ATXN2L: variants seen among roughly 807,000 people sequenced by gnomAD.
The protein encoded by ATXN2L is ataxin-2-like protein.
Under a neutral mutation model 120.7 loss-of-function variants are expected in ATXN2L, and 24 were observed. That is an observed-to-expected ratio of 0.20 (90% CI 0.14 to 0.28). The LOEUF (loss-of-function observed/expected upper bound fraction) is 0.28. Ranked by LOEUF, ATXN2L falls within the 10% of genes least tolerant of loss-of-function variation. The pLI is 1.00. For synonymous variants in ATXN2L, 653 were observed against 568.1 expected, an observed-to-expected ratio of 1.15 and a Z score of -2.13; for missense variants, 1,312 against 1,432.3, an observed-to-expected ratio of 0.92 and a Z score of 1.36.
chr16:28,825,300 C>G, intron 1 of ATXN2L, 66 bp from the exon 2 acceptor site: 1 of 1,449,242 alleles, frequency 6.9e-7, no homozygotes, highest in Non-Finnish European at 9.7e-7. Context: ...TAGGATTTAA[C>G]ATTAATTTCA....
chr16:28,834,287 C>T, intron 16 of ATXN2L, 56 bp from the exon 17 acceptor site: 1 of 1,611,674 alleles, frequency 6.2e-7, no homozygotes, highest in Non-Finnish European at 8.5e-7. Context: ...CCAGGTCAGG[C>T]CTGTCTGGGC....
At chr16:28,825,341 A>G in intron 1 of ATXN2L, 25 bp from the exon 2 acceptor site, 1 of 1,612,862 alleles carries the variant, frequency 6.2e-7, no homozygotes, top group Non-Finnish European at 8.5e-7. Flanking sequence ...AACAGACTTA[A>G]GTAATTTCTT....
At position 28,826,190 on chromosome 16, in the gene ATXN2L, T is replaced by G. The variant is rs776052094; in HGVS notation, c.466-50T>G. 12 of 1,601,746 alleles carry G rather than the reference T, an allele frequency of 7.5e-6. No individual in the cohort carries two copies. In the Admixed American group the frequency reaches 1.7e-4, roughly 23 times the overall value. On this transcript the variant is annotated intron_variant, in intron 4 of 21. Transcript: ENST00000336783. ...GAGAAATCCAGTTCTATTTTTGCCT[T>G]CACTTTTCTTGAAACTGACCCATGG...
intron 13 of ATXN2L, 48 bp downstream of exon 13, chr16:28,832,935 G>A: frequency 6.2e-7 from 1 of 1,607,388 alleles, no homozygotes; most frequent in Non-Finnish European, 8.5e-7. Flanking sequence ...GGGGTTGGGA[G>A]TGGTTCGTAG....
rs1019808198 is a variant in ATXN2L at position 28,834,198 on chromosome 16, G to A, written c.2159G>A (p.Gly720Glu). 6.2e-7 allele frequency: 1 copy of A among 1,613,846 alleles called. No individual in the cohort carries two copies. Among genetic ancestry groups the A allele is most frequent in the African/African-American group, 1.3e-5 (1 of 74,906 alleles). Residue 720 changes from glycine to glutamate, a missense_variant, in exon 16 of 22, where the codon GGA becomes GAA. Transcript: ENST00000336783. Reference sequence around the variant, plus strand: ...TCCTACATACCTCAGATCCACATGGGACCAGCTGTGCAGGTATGCAGAGAG... The same window carrying A: ...TCCTACATACCTCAGATCCACATGGAACCAGCTGTGCAGGTATGCAGAGAG... ...YISYIPQIHM[G>E]PAVQAPQMYP...
At position 28,835,659 on chromosome 16, in the gene ATXN2L, C is replaced by G. The variant is rs1169628425; in HGVS notation, c.2796C>G (p.Ala932=). The G allele has an allele frequency of 1.2e-6, 2 of 1,614,098 alleles. No individual in the cohort carries two copies. The change falls in exon 21 of 22, where the codon GCC becomes GCG. Residue 932 remains alanine (A), a synonymous_variant. Transcript: ENST00000336783. ...TPPSLPPGPS[A]QSPQSSFPQP... ...CCTCTCTGCCACCGGGACCTTCTGC[C>G]CAGTCCCCTCAGAGCAGCTTCCCCC...
chr16:28,823,528 G>T lies in ATXN2L; in HGVS notation c.269G>T (p.Arg90Met). 7.2e-7 allele frequency: 1 copy of T among 1,380,784 alleles called. No homozygotes were observed. The highest frequency in any genetic ancestry group is 1.6e-5 in the South Asian group (1 of 62,512). The allele number at this position is 1,380,784 out of a possible 1,614,324, so 85.5% of individuals were successfully genotyped here. A position where few individuals can be genotyped will look rare whatever the true frequency, so the allele number is the denominator to read the frequency against. The stretch of plus-strand genomic sequence containing the variant: ...CCGCCGCCGCAGCAACACCAGGAGA[G>T]GCCGGGGGCAGCCGCCATCGGCAGC... ...QPPPPQQHQE[R>M]PGAAAIGSAR... Residue 90 changes from arginine to methionine, a missense_variant, in exon 1 of 22, where the codon AGG (arginine) becomes ATG (methionine). Coordinates refer to ENST00000336783, the MANE Select transcript of ATXN2L (RefSeq NM_007245.4).
Position 28,835,545 on chromosome 16 carries a change from G to A in ATXN2L, c.2686-4G>A, listed in dbSNP as rs55719896. 600,556 of 1,612,480 alleles carry A rather than the reference G, an allele frequency of 0.37. 116,696 individuals are homozygous for A. The highest frequency in any genetic ancestry group is 0.47 in the Admixed American group (27,981 of 59,852). ...GTGGCACTCAACCTTCCCCTCCCCA[G>A]CAGCATCAGGCGGGGCAGGCCCCAC... is the stretch of plus-strand genomic sequence containing the variant. On this transcript the variant is annotated splice_region_variant and splice_polypyrimidine_tract_variant and intron_variant, in intron 20 of 21. Coordinates refer to ENST00000336783, the MANE Select transcript of ATXN2L (RefSeq NM_007245.4).
chr16:28,826,940 AG>A lies in ATXN2L; in HGVS notation c.701del (p.Gly234ValfsTer33). The A allele has an allele frequency of 5.0e-6, 8 of 1,588,274 alleles. No individual in the cohort carries two copies. Among genetic ancestry groups the A allele is most frequent in the Admixed American group, 1.7e-5 (1 of 58,180 alleles). ...EHKEKVLQRW[E>X]GGDSNSDDYD... ...AAAGAGAAGGTGCTTCAGCGCTGGG[AG>A]GGGGGTGACAGCAACAGCGACGACT... On this transcript the variant is annotated frameshift_variant, in exon 6 of 22. Coordinates refer to ENST00000336783, the MANE Select transcript of ATXN2L (RefSeq NM_007245.4). LOFTEE classifies it high-confidence loss of function.
At chr16:28,833,653 T>C (rs2055361891) in intron 15 of ATXN2L, 145 bp downstream of exon 15, 1 of 894,006 alleles carries the variant, frequency 1.1e-6, no homozygotes, top group African/African-American at 1.7e-5. Flanking sequence ...AATGTAAGGA[T>C]GGCACCTTTG....
At chr16:28,832,601 G>T (rs1487211315) in intron 12 of ATXN2L, 34 bp downstream of exon 12, 1 of 1,600,360 alleles carries the variant, frequency 6.2e-7, no homozygotes, top group Non-Finnish European at 8.6e-7. Context: ...GAGGATTAAT[G>T]CTCCTTTGTC....
chr16:28,832,192 C>T lies in ATXN2L; in HGVS notation c.1322-13C>T, dbSNP rs532413655. The T allele has an allele frequency of 9.9e-6, 16 of 1,614,020 alleles. 1 individual carries two copies. The East Asian group carries it at 3.3e-4, about 34-fold the overall frequency. On this transcript the variant is annotated splice_polypyrimidine_tract_variant and intron_variant, in intron 10 of 21. Coordinates refer to ENST00000336783, the MANE Select transcript of ATXN2L (RefSeq NM_007245.4). ...CAGCAGTAACCATCCTACAGCTCCC[C>T]CTTTTCTTCCAGTGGGCCGGATGTA...
intron 1 of ATXN2L, 125 bp downstream of exon 1, chr16:28,823,683 C>G (rs117721600): frequency 9.8e-7 from 1 of 1,023,238 alleles, no homozygotes; most frequent in Admixed American, 4.3e-5. Flanking sequence ...CCCCGTGAAG[C>G]TGGGGGAGGG....
At chr16:28,825,938 G>T (rs1017068216) in intron 4 of ATXN2L, 97 bp downstream of exon 4, 2 of 1,211,296 alleles carry the variant, frequency 1.7e-6, no homozygotes, top group Non-Finnish European at 2.4e-6. Flanking sequence ...GTCAGAGTAT[G>T]CCTTTAGTTG....
In ATXN2L at chr16:28,834,670, C is replaced by T. The variant is rs866259814; in HGVS notation, c.2410C>T (p.Pro804Ser). ...QFPGQPAMMQ[P>S]MAHYPSQPVF... Reference sequence around the variant, plus strand: ...CCCAGGCCAGCCAGCCATGATGCAGCCCATGGCCCACTACCCCTCACAGGT... The same window carrying T: ...CCCAGGCCAGCCAGCCATGATGCAGTCCATGGCCCACTACCCCTCACAGGT... Residue 804 changes from proline (P) to serine (S), a missense_variant, in exon 18 of 22, where the codon CCC (proline) becomes TCC (serine). By Grantham distance (74) the Pro-to-Ser change is moderately conservative. Transcript: ENST00000336783. The T allele has an allele frequency of 3.1e-6, 5 of 1,613,452 alleles. No homozygotes were observed. The highest frequency in any genetic ancestry group is 4.2e-6 in the Non-Finnish European group (5 of 1,179,694).
Position 28,831,078 on chromosome 16 carries a change from G to A in ATXN2L, c.1321+6G>A, listed in dbSNP as rs1306008051. On this transcript the variant is annotated splice_donor_region_variant and intron_variant, in intron 10 of 21. Transcript: ENST00000336783. ...TGTTCCACCTCCTCCTGCAGGTAAA[G>A]CTTTAGTAGTGTTGGATGAAGAAAT... 1 of 1,570,556 alleles carries A rather than the reference G, an allele frequency of 6.4e-7. No homozygotes were observed. Among genetic ancestry groups the A allele is most frequent in the Non-Finnish European group, 8.7e-7 (1 of 1,148,772 alleles).
rs1959848893 is a variant in ATXN2L at position 28,835,140 on chromosome 16, C to T, written c.2516C>T (p.Thr839Ile). Residue 839 changes from threonine to isoleucine, a missense_variant, in exon 19 of 22, where the codon ACC becomes ATC. By Grantham distance (89) the Thr-to-Ile change is moderately conservative. Coordinates refer to ENST00000336783, the MANE Select transcript of ATXN2L (RefSeq NM_007245.4). ...CCCCAGGCCATCGTGTCATCCTCTACCCCTCAGTACCCTTCTGCAGAGCAG... is the reference window on the plus strand; with the variant it reads ...CCCCAGGCCATCGTGTCATCCTCTATCCCTCAGTACCCTTCTGCAGAGCAG... The part of the protein sequence containing the change: ...SHPQAIVSSS[T>I]PQYPSAEQPT... 1 of 1,613,886 alleles carries T rather than the reference C, an allele frequency of 6.2e-7. No individual in the cohort carries two copies. Among genetic ancestry groups the T allele is most frequent in the Non-Finnish European group, 8.5e-7 (1 of 1,179,884 alleles).
At chr16:28,829,570 A>G (rs2053591791) in intron 7 of ATXN2L, 78 bp downstream of exon 7, 3 of 1,159,752 alleles carry the variant, frequency 2.6e-6, no homozygotes, top group African/African-American at 1.5e-5. Context: ...CAGGTAGAAC[A>G]TAGTTTTTGC....
rs773997285 is a variant in ATXN2L, at chr16:28,835,261, C to T, written c.2564-17C>T. 55 of 1,613,770 alleles carry T rather than the reference C, an allele frequency of 3.4e-5. No individual in the cohort carries two copies. The highest frequency in any genetic ancestry group is 4.6e-5 in the Non-Finnish European group (54 of 1,179,916). On this transcript the variant is annotated splice_polypyrimidine_tract_variant and intron_variant, in intron 19 of 21. Transcript: ENST00000336783. ...TCTGGTGTGCTCAGCACTGGTTCTC[C>T]CTCTTTCCTGCTGCAGCCACTGTTC...
Sources: gnomAD v4.1 joint callset for allele counts on GRCh38, gnomAD v4.1.1 for gene constraint, MANE v1.5 for transcripts, NCBI Gene and HGNC (gene_info 2026-07-23, HGNC 2026-07-21) for gene names.